The following UBE2E1 variants were observed in gnomAD, a reference collection of about 807,000 sequenced individuals.
UBE2E1 encodes the protein ubiquitin-conjugating enzyme E2 E1.
Under a neutral mutation model 21.4 loss-of-function variants are expected in UBE2E1, and 6 were observed. The observed-to-expected ratio is 0.28, with a 90% CI of 0.15 to 0.55. The LOEUF is 0.55. UBE2E1 is among the 20% of genes least tolerant of loss of function. The probability of loss-of-function intolerance (pLI) is 0.93; values close to 1 mark genes in which losing one functional copy is unlikely to be tolerated. For missense variants in UBE2E1, 142 were observed against 236.5 expected (o/e 0.60, Z 2.62); for synonymous variants, 87 against 82.7 (o/e 1.05, Z -0.28).
At position 23,874,843 on chromosome 3, in the gene UBE2E1, C is replaced by T. The variant is rs1306100631; in HGVS notation, c.204-12724C>T. Among the ~76,000 whole-genome samples the T allele has an allele frequency of 3.3e-5, 5 of 152,152 alleles. 1 individual carries two copies. The highest frequency in any genetic ancestry group is 2.0e-4 in the Admixed American group (3 of 15,274). ...TTCTAATCACTGCCGTACCCCCAACCCCTGCTTCTTTCAGGCACTTGGCAT... is the reference window on the plus strand; with the variant it reads ...TTCTAATCACTGCCGTACCCCCAACTCCTGCTTCTTTCAGGCACTTGGCAT... On this transcript the variant is annotated intron_variant, in intron 3 of 5. Transcript: ENST00000306627.
In UBE2E1 at chr3:23,842,246, T is replaced by TGTGTGTGTGTGTGGTG. The variant is rs759418034; in HGVS notation, c.203+30739_203+30740insTGTGTGTGTGGTGGTG. ...GTGTGTGTGTGTGTGTGTGTGTGTG[T>TGTGTGTGTGTGTGGTG]GTGGTGTTGTTGTTGTTGGCGACAG... On this transcript the variant is annotated intron_variant, in intron 3 of 5. Transcript: ENST00000306627. The surrounding 1 kb of genome is among the most constrained non-coding windows in gnomAD (Gnocchi z 4.6). Among the ~76,000 whole-genome samples the TGTGTGTGTGTGTGGTG allele has an allele frequency of 5.4e-5, 2 of 36,758 alleles. No homozygotes were observed. The highest frequency in any genetic ancestry group is 1.6e-4 in the African/African-American group (2 of 12,756). 24.1% of individuals were successfully genotyped at this position (36,758 alleles called of 152,430 possible). A position where few individuals can be genotyped will look rare whatever the true frequency, so the allele number is the denominator to read the frequency against.
intron 3 of UBE2E1, among the ~76,000 whole-genome samples, chr3:23,881,807 T>G (rs1280280713): frequency 6.6e-6 from 1 of 152,216 alleles, no homozygotes; most frequent in African/African-American, 2.4e-5. Flanking sequence ...CGGAGTTTGT[T>G]CCTTCTGATG....
chr3:23,885,808 C>T (rs1476227620), intron 3 of UBE2E1, among the ~76,000 whole-genome samples: 3 of 152,170 alleles, frequency 2.0e-5, no homozygotes, highest in East Asian at 3.9e-4. Context: ...TGCATTGAGC[C>T]GAGATCGTGC....
intron 3 of UBE2E1, among the ~76,000 whole-genome samples, chr3:23,881,837 T>A (rs1381740032): frequency 6.6e-6 from 1 of 152,198 alleles, no homozygotes. Context: ...GTTCAGAGTT[T>A]CTTCCTTCTG....
chr3:23,817,099 T>G (rs1699538696), intron 3 of UBE2E1, among the ~76,000 whole-genome samples: 1 of 152,178 alleles, frequency 6.6e-6, no homozygotes, highest in African/African-American at 2.4e-5. Flanking sequence ...TCACAGTTTT[T>G]GGGGATTCTT....
At chr3:23,866,652 C>T (rs548537050) in intron 3 of UBE2E1, among the ~76,000 whole-genome samples, 1 of 133,042 alleles carries the variant, frequency 7.5e-6, no homozygotes, top group African/African-American at 2.8e-5. Context: ...GGATTCTCTG[C>T]ATTTTTGGAG....
intron 3 of UBE2E1, among the ~76,000 whole-genome samples, chr3:23,880,833 CTG>C (rs1409953050): frequency 6.6e-6 from 1 of 152,200 alleles, no homozygotes; most frequent in African/African-American, 2.4e-5. Context: ...TCTAGTAAGA[CTG>C]TGCTAATGAC....
intron 3 of UBE2E1, among the ~76,000 whole-genome samples, chr3:23,873,184 T>A (rs1700840224): frequency 6.7e-6 from 1 of 150,180 alleles, no homozygotes; most frequent in South Asian, 2.1e-4. Context: ...AGTACAAATG[T>A]GAGAAAATGG....
chr3:23,882,845 G>C (rs1575040416), intron 3 of UBE2E1, among the ~76,000 whole-genome samples: 1 of 152,208 alleles, frequency 6.6e-6, no homozygotes, highest in African/African-American at 2.4e-5. Flanking sequence ...GGGCTGCCAA[G>C]TCCACGCCCA....
rs897756304 is a variant in UBE2E1, at chr3:23,816,717, G to A, written c.203+5207G>A. Among the ~76,000 whole-genome samples the A allele has an allele frequency of 2.0e-5, 3 of 151,994 alleles. No homozygotes were observed. The highest frequency in any genetic ancestry group is 4.4e-5 in the Non-Finnish European group (3 of 67,974). On this transcript the variant is annotated intron_variant, in intron 3 of 5. Coordinates refer to ENST00000306627, the MANE Select transcript of UBE2E1 (RefSeq NM_003341.5). This position sits in a 1 kb window ranked among gnomAD's most constrained non-coding sequence, Gnocchi z 4.8. Reference sequence around the variant, plus strand: ...GCGAGGCTCCATCTCAAAAAAAAAGGTTATACTAAGTGAAATAAACTAGAA... The same window carrying A: ...GCGAGGCTCCATCTCAAAAAAAAAGATTATACTAAGTGAAATAAACTAGAA...
intron 3 of UBE2E1, among the ~76,000 whole-genome samples, chr3:23,880,660 T>C (rs962199652): frequency 3.3e-5 from 5 of 152,178 alleles, no homozygotes; most frequent in African/African-American, 4.8e-5. Context: ...TTTCTGACCA[T>C]TGAAATGGAA....
At chr3:23,879,613 G>A (rs780776225) in intron 3 of UBE2E1, 11 of 226,756 alleles carry the variant, frequency 4.9e-5, no homozygotes, top group Admixed American at 4.1e-4. Context: ...TTCACTCAGC[G>A]TCTGTCCTAA....
At chr3:23,812,467 T>G (rs1354011807) in intron 3 of UBE2E1, among the ~76,000 whole-genome samples, 1 of 152,208 alleles carries the variant, frequency 6.6e-6, no homozygotes, top group African/African-American at 2.4e-5. Flanking sequence ...AAAAGCTAAA[T>G]GAAGTATTTT....
chr3:23,865,479 C>T (rs1163846853), intron 3 of UBE2E1, among the ~76,000 whole-genome samples: 7 of 152,142 alleles, frequency 4.6e-5, no homozygotes, highest in Non-Finnish European at 8.8e-5. Flanking sequence ...CTTAGCCTCC[C>T]GAGTAACTGC....
intron 3 of UBE2E1, among the ~76,000 whole-genome samples, chr3:23,847,491 T>TC: frequency 7.4e-6 from 1 of 134,686 alleles, no homozygotes; most frequent in East Asian, 2.3e-4. Flanking sequence ...ACTTTAAATT[T>TC]TTTTTTTTTT....
chr3:23,851,456 G>A (rs1165790052), intron 3 of UBE2E1, among the ~76,000 whole-genome samples: 1 of 152,040 alleles, frequency 6.6e-6, no homozygotes, highest in Admixed American at 6.6e-5. Flanking sequence ...TCCAGCTGGG[G>A]TTTTTACAGG....
intron 3 of UBE2E1, among the ~76,000 whole-genome samples, chr3:23,824,803 C>T (rs1323891161): frequency 6.6e-6 from 1 of 152,092 alleles, no homozygotes; most frequent in East Asian, 1.9e-4. Context: ...GCTTCCTCCC[C>T]TTCCTGCTCC....
rs1374271981 is a variant in UBE2E1, at chr3:23,838,699, G to A, written c.203+27189G>A. 2.0e-5 allele frequency among the ~76,000 whole-genome samples: 3 copies of A among 152,142 alleles called. No homozygotes were observed. In the East Asian group the frequency reaches 5.8e-4, roughly 29 times the overall value. On this transcript the variant is annotated intron_variant, in intron 3 of 5. Transcript: ENST00000306627. ...TTTAGTAGAAATGGAGTTTCACCAT[G>A]TTGGCCAGGCTGTTCGCAAACTCCT...
intron 3 of UBE2E1, among the ~76,000 whole-genome samples, chr3:23,835,176 T>TA (rs35340536): frequency 3.9e-5 from 6 of 152,292 alleles, no homozygotes; most frequent in East Asian, 1.9e-4. Flanking sequence ...TGTAATGTTT[T>TA]AAAAAAATGC....
Sources: allele counts gnomAD v4.1 joint callset (sites outside exome capture counted in the v4.1 genomes callset), GRCh38; gene constraint gnomAD v4.1.1; non-coding constraint Gnocchi (gnomAD v3.1); transcripts MANE v1.5; gene names NCBI Gene and HGNC (gene_info 2026-07-23, HGNC 2026-07-21).